PPFIA2: variants seen among roughly 807,000 people sequenced by gnomAD.
PPFIA2 encodes the protein PPFI scaffold protein A2, also known as liprin-alpha-2.
A neutral mutation model predicts 175.5 loss-of-function variants in PPFIA2; 46 were observed. The ratio of observed to expected loss-of-function variants is 0.26; its 90% CI spans 0.21 to 0.34. The LOEUF is 0.34. PPFIA2 is among the 10% of genes least tolerant of loss of function. PPFIA2 has a pLI of 1.00. For synonymous variants in PPFIA2, 568 were observed against 511.4 expected (o/e 1.11, Z -1.49); for missense variants, 1,179 against 1,506.1 (o/e 0.78, Z 3.60).
chr12:81,280,113 A>G (rs915269560), intron 27 of PPFIA2, among the ~76,000 whole-genome samples: 1 of 152,090 alleles, frequency 6.6e-6, no homozygotes, highest in African/African-American at 2.4e-5. Flanking sequence ...AATAAATGCA[A>G]TTTCTTTTTG....
chr12:81,375,868 T>G lies in PPFIA2; in HGVS notation c.1059A>C (p.Glu353Asp). Reference protein sequence around the residue: ...LEKRYLSAQRESTSIHDMNDK... With the variant: ...LEKRYLSAQRDSTSIHDMNDK... ...CATTCATGTCATGTATGGAGGTAGA[T>G]TCTCTCTGAGCACTGAGGTAACGCT... The change falls in exon 10 of 33, where the codon GAA becomes GAC. Residue 353 changes from glutamate (E) to aspartate (D), a missense_variant. Around this residue, in one of 10 missense-constraint regions of PPFIA2, gnomAD observed 226 missense variants for 216.6 expected, o/e 1.04. Transcript: ENST00000549396. 11 of 1,610,466 alleles carry G rather than the reference T, an allele frequency of 6.8e-6. No homozygotes were observed. The highest frequency in any genetic ancestry group is 8.5e-6 in the Non-Finnish European group (10 of 1,176,818).
At chr12:81,728,344 C>T (rs1371250442) in intron 3 of PPFIA2, among the ~76,000 whole-genome samples, 1 of 151,298 alleles carries the variant, frequency 6.6e-6, no homozygotes, top group Non-Finnish European at 1.5e-5. Context: ...ATGTCAATGG[C>T]AAAAAATAAT....
intron 3 of PPFIA2, among the ~76,000 whole-genome samples, chr12:81,699,114 G>A (rs748029174): frequency 1.8e-4 from 27 of 151,950 alleles, no homozygotes; most frequent in Non-Finnish European, 3.7e-4. Context: ...AACATTATAG[G>A]ATTAAAGAAA....
chr12:81,640,990 T>A (rs915654084), intron 4 of PPFIA2, among the ~76,000 whole-genome samples: 3 of 152,134 alleles, frequency 2.0e-5, no homozygotes, highest in Non-Finnish European at 2.9e-5. Context: ...TGATACATAA[T>A]TGCACATATT....
At chr12:81,710,943 A>T (rs1179237603) in intron 3 of PPFIA2, among the ~76,000 whole-genome samples, 4 of 151,406 alleles carry the variant, frequency 2.6e-5, no homozygotes, top group African/African-American at 9.7e-5. Context: ...CTTAGAAGTA[A>T]AATCTTTGGT....
chr12:81,422,951 G>T (rs550322795), intron 7 of PPFIA2, among the ~76,000 whole-genome samples: 5 of 151,910 alleles, frequency 3.3e-5, no homozygotes, highest in African/African-American at 1.2e-4. Flanking sequence ...ACATTACAAC[G>T]AATGCCTAAA....
chr12:81,729,605 C>T (rs2080580037), intron 3 of PPFIA2, among the ~76,000 whole-genome samples: 1 of 151,534 alleles, frequency 6.6e-6, no homozygotes, highest in Admixed American at 6.6e-5. Flanking sequence ...ATGTTACATA[C>T]ATAGCAAATG....
chr12:81,454,877 C>G (rs1420713308), intron 5 of PPFIA2, among the ~76,000 whole-genome samples: 2 of 152,044 alleles, frequency 1.3e-5, no homozygotes, highest in Non-Finnish European at 2.9e-5. Flanking sequence ...GAGATGGAGT[C>G]TCCCTCTGTC....
rs142332778 is a variant in PPFIA2 at position 81,721,611 on chromosome 12, CT to C, written c.249+32361del. ...GCATAAAGCTTATCCCCCCTCACCC[CT>C]GTTCCACCACCTACACATGCTAATT... On this transcript the variant is annotated intron_variant, in intron 3 of 32. Transcript: ENST00000549396. Among the ~76,000 whole-genome samples the C allele has an allele frequency of 4.0e-3, 602 of 151,472 alleles. 5 individuals carry two copies. Among genetic ancestry groups the C allele is most frequent in the African/African-American group, 0.014 (577 of 41,462 alleles).
intron 4 of PPFIA2, among the ~76,000 whole-genome samples, chr12:81,583,062 G>T (rs915356173): frequency 6.6e-6 from 1 of 151,834 alleles, no homozygotes; most frequent in Non-Finnish European, 1.5e-5. Context: ...CGTGGCATCT[G>T]CCAATACGTA....
At chr12:81,665,433 C>T (rs1041078592) in intron 4 of PPFIA2, among the ~76,000 whole-genome samples, 1 of 152,008 alleles carries the variant, frequency 6.6e-6, no homozygotes, top group African/African-American at 2.4e-5. Context: ...TTAGGTCTTT[C>T]AGGTGTTAGT....
At chr12:81,648,208 A>G (rs1248028801) in intron 4 of PPFIA2, among the ~76,000 whole-genome samples, 7 of 151,852 alleles carry the variant, frequency 4.6e-5, no homozygotes, top group Non-Finnish European at 7.4e-5. Flanking sequence ...ACAAATTAAT[A>G]AAATTAAAAT....
chr12:81,312,663 C>T (rs2051228430), intron 22 of PPFIA2, among the ~76,000 whole-genome samples: 1 of 152,114 alleles, frequency 6.6e-6, no homozygotes, highest in Admixed American at 6.5e-5. Flanking sequence ...AATGTCCTTC[C>T]TAGTTTGAGG....
intron 4 of PPFIA2, among the ~76,000 whole-genome samples, chr12:81,541,415 G>C (rs576328025): frequency 2.6e-5 from 4 of 152,154 alleles, no homozygotes; most frequent in South Asian, 2.1e-4. Context: ...CCATAAGAAG[G>C]CCTCATGAGA....
At chr12:81,264,180 A>G (rs769936394) in intron 30 of PPFIA2, among the ~76,000 whole-genome samples, 1 of 152,166 alleles carries the variant, frequency 6.6e-6, no homozygotes, top group Non-Finnish European at 1.5e-5. Flanking sequence ...CACATAGGCT[A>G]GTGTCTCTAC....
intron 3 of PPFIA2, among the ~76,000 whole-genome samples, chr12:81,706,912 C>A (rs2077228082): frequency 6.6e-6 from 1 of 152,040 alleles, no homozygotes. Flanking sequence ...GAAAAACAAG[C>A]AATGGGGAAA....
At chr12:81,547,502 A>T (rs1271448117) in intron 4 of PPFIA2, among the ~76,000 whole-genome samples, 4 of 151,964 alleles carry the variant, frequency 2.6e-5, no homozygotes, top group African/African-American at 9.7e-5. Context: ...CAGGTTCCTG[A>T]GTAGCTGGGA....
intron 14 of PPFIA2, 119 bp downstream of exon 14, chr12:81,366,989 G>A: frequency 8.8e-7 from 1 of 1,135,718 alleles, no homozygotes; most frequent in Non-Finnish European, 1.2e-6. Flanking sequence ...AGTTAAAATT[G>A]TTTTACAAAG....
At chr12:81,469,346 G>A (rs1201646836) in intron 4 of PPFIA2, among the ~76,000 whole-genome samples, 2 of 152,160 alleles carry the variant, frequency 1.3e-5, no homozygotes, top group East Asian at 3.9e-4. Flanking sequence ...AATACAATGT[G>A]TACAATGGTG....
Sources: allele counts gnomAD v4.1 joint callset (sites outside exome capture counted in the v4.1 genomes callset), GRCh38; gene constraint gnomAD v4.1.1; regional missense constraint gnomAD v4.1.1; transcripts MANE v1.5; gene names NCBI Gene and HGNC (gene_info 2026-07-23, HGNC 2026-07-21).